CNTN4: variants seen among roughly 807,000 people sequenced by gnomAD.
CNTN4 encodes the protein contactin 4.
A neutral mutation model predicts 122.5 loss-of-function variants in CNTN4; 77 were observed. The observed-to-expected ratio is 0.63, with a 90% CI of 0.52 to 0.76. The LOEUF (loss-of-function observed/expected upper bound fraction) is 0.76, where lower values mean the gene tolerates loss of function less well. Ranked by LOEUF, CNTN4 falls within the 30% of genes least tolerant of loss-of-function variation. The pLI is 0.00. For synonymous variants in CNTN4, 512 were observed against 447.0 expected (o/e 1.15, Z -1.83); for missense variants, 1,256 against 1,259.1 (o/e 1.00, Z 0.04).
chr3:2,391,187 C>T (rs1575533087), intron 3 of CNTN4, among the ~76,000 whole-genome samples: 1 of 152,092 alleles, frequency 6.6e-6, no homozygotes, highest in Non-Finnish European at 1.5e-5. Context: ...TGGATACTTG[C>T]CATATCTTCA....
intron 3 of CNTN4, among the ~76,000 whole-genome samples, chr3:2,343,173 A>T (rs575232640): frequency 1.2e-4 from 19 of 152,308 alleles, no homozygotes; most frequent in African/African-American, 3.8e-4. Flanking sequence ...GAGGCAGGGT[A>T]AACCTAAGGG....
intron 3 of CNTN4, among the ~76,000 whole-genome samples, chr3:2,518,696 C>T (rs560599974): frequency 1.3e-5 from 2 of 152,026 alleles, no homozygotes; most frequent in South Asian, 4.2e-4. Context: ...TTGTTTAGCC[C>T]ATGGCTAAAT....
intron 2 of CNTN4, among the ~76,000 whole-genome samples, chr3:2,117,807 G>A (rs1432818077): frequency 2.0e-5 from 3 of 152,116 alleles, no homozygotes; most frequent in Non-Finnish European, 2.9e-5. Flanking sequence ...CCACAGATGC[G>A]ATGTAATGTT....
At chr3:2,557,112 G>C (rs2078751754) in intron 3 of CNTN4, among the ~76,000 whole-genome samples, 6 of 152,068 alleles carry the variant, frequency 3.9e-5, no homozygotes, top group Admixed American at 3.9e-4. Flanking sequence ...CACTAATTAG[G>C]ATTCTATCCT....
At chr3:2,257,079 A>G (rs1453066226) in intron 2 of CNTN4, among the ~76,000 whole-genome samples, 1 of 152,228 alleles carries the variant, frequency 6.6e-6, no homozygotes, top group East Asian at 1.9e-4. Context: ...TGGTATTGGT[A>G]CCAGAACAGA....
intron 3 of CNTN4, among the ~76,000 whole-genome samples, chr3:2,519,840 C>T (rs1051470891): frequency 1.3e-5 from 2 of 152,152 alleles, no homozygotes; most frequent in African/African-American, 4.8e-5. Context: ...TTATTTGAGG[C>T]ATCTCTCATT....
rs561620750 is a variant in CNTN4 at position 2,882,352 on chromosome 3, C to T, written c.653-793C>T. On this transcript the variant is annotated intron_variant, in intron 8 of 24. Transcript: ENST00000418658. ...CCACACTCTAGCCTGGGTGACAGAG[C>T]GAGACTTCGTCTCGAAAAAAAAAAA... Among the ~76,000 whole-genome samples the T allele has an allele frequency of 1.1e-4, 16 of 148,404 alleles. No homozygotes were observed. In the Admixed American group the frequency reaches 1.1e-3, roughly 10 times the overall value.
intron 2 of CNTN4, chr3:2,132,270 C>A (rs183893174): frequency 6.6e-6 from 1 of 152,174 alleles, no homozygotes; most frequent in East Asian, 1.9e-4. Context: ...CCAACCGAAC[C>A]ATTAGTTCAT....
At chr3:2,846,225 C>T (rs775793084) in intron 7 of CNTN4, among the ~76,000 whole-genome samples, 1 of 152,186 alleles carries the variant, frequency 6.6e-6, no homozygotes, top group Non-Finnish European at 1.5e-5. Context: ...ATAATCCCCA[C>T]ATGTTGTGGG....
chr3:2,507,405 C>G (rs920120294), intron 3 of CNTN4, among the ~76,000 whole-genome samples: 2 of 151,864 alleles, frequency 1.3e-5, no homozygotes, highest in Non-Finnish European at 2.9e-5. Flanking sequence ...TTGTTCTCTT[C>G]TTGGATGTTA....
At chr3:2,245,352 G>T (rs892884115) in intron 2 of CNTN4, among the ~76,000 whole-genome samples, 5 of 152,040 alleles carry the variant, frequency 3.3e-5, no homozygotes, top group African/African-American at 9.7e-5. Context: ...TTTCCGAGTA[G>T]CTACTTTGTG....
chr3:2,270,796 G>T (rs1559398474), intron 2 of CNTN4, among the ~76,000 whole-genome samples: 1 of 152,088 alleles, frequency 6.6e-6, no homozygotes, highest in Non-Finnish European at 1.5e-5. Context: ...GCAGGCCATG[G>T]CTTAGTTCCT....
chr3:2,327,855 C>A (rs1385368364), intron 2 of CNTN4, among the ~76,000 whole-genome samples: 1 of 152,096 alleles, frequency 6.6e-6, no homozygotes, highest in African/African-American at 2.4e-5. Context: ...GGACTCATTA[C>A]CCCAAAACAT....
chr3:2,232,491 T>C (rs1356514183), intron 2 of CNTN4, among the ~76,000 whole-genome samples: 1 of 152,168 alleles, frequency 6.6e-6, no homozygotes, highest in East Asian at 1.9e-4. Context: ...TTACATGCCT[T>C]ATCTCATTTT....
chr3:2,856,437 G>C (rs1009549437), intron 7 of CNTN4, among the ~76,000 whole-genome samples: 2 of 152,218 alleles, frequency 1.3e-5, no homozygotes, highest in African/African-American at 2.4e-5. Flanking sequence ...AGAAGAGAGT[G>C]CACAAGCCTT....
chr3:2,315,147 A>G (rs2043051061), intron 2 of CNTN4, among the ~76,000 whole-genome samples: 1 of 152,154 alleles, frequency 6.6e-6, no homozygotes, highest in Non-Finnish European at 1.5e-5. Context: ...AGAATTAGCT[A>G]TGAACAGCTA....
chr3:2,399,296 A>G (rs1428542560), intron 3 of CNTN4, among the ~76,000 whole-genome samples: 3 of 151,516 alleles, frequency 2.0e-5, no homozygotes, highest in South Asian at 2.1e-4. Flanking sequence ...TCTGTACCCT[A>G]TCTAGTGTCT....
At chr3:2,768,131 A>G (rs558056392) in intron 6 of CNTN4, among the ~76,000 whole-genome samples, 10 of 152,280 alleles carry the variant, frequency 6.6e-5, no homozygotes, top group African/African-American at 1.9e-4. Context: ...TGTCATTGCC[A>G]TTTCCTGCTG....
chr3:2,243,755 A>G (rs1198928757), intron 2 of CNTN4, among the ~76,000 whole-genome samples: 2 of 152,064 alleles, frequency 1.3e-5, no homozygotes, highest in Non-Finnish European at 2.9e-5. Flanking sequence ...TACATGCATT[A>G]TCCTTGAAAC....
Sources: allele counts gnomAD v4.1 joint callset (sites outside exome capture counted in the v4.1 genomes callset), GRCh38; gene constraint gnomAD v4.1.1; transcripts MANE v1.5; gene names NCBI Gene and HGNC (gene_info 2026-07-23, HGNC 2026-07-21).